ERGIC1: variants seen among roughly 807,000 people sequenced by gnomAD.
ERGIC1 encodes the protein endoplasmic reticulum-Golgi intermediate compartment protein 1.
Under a neutral mutation model 38.3 loss-of-function variants are expected in ERGIC1, and 19 were observed. That is an observed-to-expected ratio of 0.50 (90% CI 0.35 to 0.73). ERGIC1 has a LOEUF of 0.73. Among genes scored for constraint, ERGIC1 ranks in the 30% least tolerant of loss-of-function variants. The pLI is 0.01. For missense variants in ERGIC1, 294 were observed against 389.2 expected, an observed-to-expected ratio of 0.76 and a Z score of 2.06; for synonymous variants, 124 against 157.6, an observed-to-expected ratio of 0.79 and a Z score of 1.60.
chr5:172,947,488 G>C lies in ERGIC1; in HGVS notation c.766-3221G>C, dbSNP rs564510528. Among the ~76,000 whole-genome samples, 5 of 152,260 alleles carry C rather than the reference G, an allele frequency of 3.3e-5. No homozygotes were observed. The South Asian group carries it at 1.0e-3, about 32-fold the overall frequency. The stretch of plus-strand genomic sequence containing the variant: ...TGCCCAGCTGAGTTATCTCAGCTTT[G>C]AGGAAACCCCCCTGGAATGTGTGAG... On this transcript the variant is annotated intron_variant, in intron 9 of 9. Transcript: ENST00000393784.
chr5:172,922,296 C>A (rs963528031), intron 5 of ERGIC1: 2 of 152,394 alleles, frequency 1.3e-5, no homozygotes, highest in Admixed American at 1.3e-4. Flanking sequence ...ATGACAAAGT[C>A]AAAGGATTCA....
At position 172,926,578 on chromosome 5, in the gene ERGIC1, C is replaced by A. The variant is rs1372335909; in HGVS notation, c.541+9C>A. ...CAGACTCACCTCCAACCGTATGTAT[C>A]CCTGCTGGGAACAGCCTTCTGCTCC... is the stretch of plus-strand genomic sequence containing the variant. On this transcript the variant is annotated intron_variant, in intron 7 of 9. Transcript: ENST00000393784. This position sits in a 1 kb window ranked among gnomAD's most constrained non-coding sequence, Gnocchi z 5.2. 2 of 1,611,644 alleles carry A rather than the reference C, an allele frequency of 1.2e-6. No individual in the cohort carries two copies. The highest frequency in any genetic ancestry group is 2.2e-5 in the East Asian group (1 of 44,864).
At chr5:172,865,051 C>CTTTT (rs55657045) in intron 1 of ERGIC1, among the ~76,000 whole-genome samples, 15 of 93,850 alleles carry the variant, frequency 1.6e-4, no homozygotes, top group East Asian at 3.0e-4. Flanking sequence ...GAAAGAAATT[C>CTTTT]TTTTTTTTTT....
intron 1 of ERGIC1, among the ~76,000 whole-genome samples, chr5:172,874,653 G>A (rs1342690970): frequency 1.3e-5 from 2 of 151,508 alleles, no homozygotes; most frequent in African/African-American, 4.9e-5. Flanking sequence ...CAGAGGCTGG[G>A]CGTGGTGGCT....
At chr5:172,921,933 T>C (rs1449294572) in intron 5 of ERGIC1, among the ~76,000 whole-genome samples, 1 of 152,226 alleles carries the variant, frequency 6.6e-6, no homozygotes, top group African/African-American at 2.4e-5. Flanking sequence ...GAATACAGCC[T>C]GCACCCTCAA....
intron 1 of ERGIC1, among the ~76,000 whole-genome samples, chr5:172,875,302 A>G (rs1419292820): frequency 6.6e-6 from 1 of 152,078 alleles, no homozygotes; most frequent in Non-Finnish European, 1.5e-5. Context: ...CAGAGTTTTT[A>G]TCTCTGCTCT....
At chr5:172,868,165 C>T (rs1446098945) in intron 1 of ERGIC1, among the ~76,000 whole-genome samples, 3 of 152,248 alleles carry the variant, frequency 2.0e-5, no homozygotes, top group East Asian at 1.9e-4. Context: ...GCCTTACATG[C>T]GTTTCTGCAT....
At chr5:172,870,675 G>C (rs902049628) in intron 1 of ERGIC1, among the ~76,000 whole-genome samples, 16 of 152,246 alleles carry the variant, frequency 1.1e-4, no homozygotes, top group African/African-American at 3.9e-4. Context: ...AACTGTTGAA[G>C]AAAGCACAAG....
At position 172,926,683 on chromosome 5, in the gene ERGIC1, A is replaced by G; in HGVS notation, c.541+114A>G. 8.4e-7 allele frequency: 1 copy of G among 1,186,728 alleles called. No individual in the cohort carries two copies. Among genetic ancestry groups the G allele is most frequent in the Non-Finnish European group, 1.2e-6 (1 of 816,388 alleles). The allele number at this position is 1,186,728 out of a possible 1,614,324, so 73.5% of individuals were successfully genotyped here. ...GTCCAGCACCCACTCCAAGGCAGGGAGGCTGCTGCTCACACTCCATTCCCA... is the reference window on the plus strand; with the variant it reads ...GTCCAGCACCCACTCCAAGGCAGGGGGGCTGCTGCTCACACTCCATTCCCA... On this transcript the variant is annotated intron_variant, in intron 7 of 9. Transcript: ENST00000393784. The surrounding 1 kb of genome is among the most constrained non-coding windows in gnomAD (Gnocchi z 5.2).
At chr5:172,914,575 C>G in intron 4 of ERGIC1, 139 bp from the exon 5 acceptor site, 4 of 1,407,400 alleles carry the variant, frequency 2.8e-6, no homozygotes, top group South Asian at 2.4e-5. Flanking sequence ...TCTTTGGACC[C>G]CAGACCATGA....
At chr5:172,890,727 A>T (rs1762538128) in intron 2 of ERGIC1, among the ~76,000 whole-genome samples, 1 of 152,086 alleles carries the variant, frequency 6.6e-6, no homozygotes, top group Non-Finnish European at 1.5e-5. Flanking sequence ...GCCTCCTTGC[A>T]CCCCACAAGC....
At chr5:172,867,462 C>A (rs1470769981) in intron 1 of ERGIC1, 3 of 406,804 alleles carry the variant, frequency 7.4e-6, no homozygotes, top group Non-Finnish European at 1.5e-5. Flanking sequence ...GCCGCAAGAA[C>A]AACTGCTGGC....
At chr5:172,863,676 A>G (rs1248470074) in intron 1 of ERGIC1, among the ~76,000 whole-genome samples, 1 of 151,426 alleles carries the variant, frequency 6.6e-6, no homozygotes, top group East Asian at 1.9e-4. Flanking sequence ...TTTAAAAAAA[A>G]AGAAAGAAAA....
Position 172,949,442 on chromosome 5 carries a change from G to A in ERGIC1, c.766-1267G>A, listed in dbSNP as rs961573009. On this transcript the variant is annotated intron_variant, in intron 9 of 9. Coordinates refer to ENST00000393784, the MANE Select transcript of ERGIC1 (RefSeq NM_001031711.3). ...GATTCACTGGGGTGGTAGGCATGGA[G>A]CACTGTAACCCACCTGGCCCAGGGA... is the stretch of plus-strand genomic sequence containing the variant. 1.5e-4 allele frequency among the ~76,000 whole-genome samples: 23 copies of A among 152,294 alleles called. 1 individual carries two copies. The highest frequency in any genetic ancestry group is 4.3e-4 in the African/African-American group (18 of 41,568).
At chr5:172,868,415 C>G (rs571172876) in intron 1 of ERGIC1, among the ~76,000 whole-genome samples, 1 of 152,130 alleles carries the variant, frequency 6.6e-6, no homozygotes, top group Non-Finnish European at 1.5e-5. Context: ...CATGGAGGAA[C>G]CTTACATGCC....
rs572778337 is a variant in ERGIC1 at position 172,909,535 on chromosome 5, G to T, written c.156-132G>T. On this transcript the variant is annotated intron_variant, in intron 3 of 9. Transcript: ENST00000393784. ...ACCCGTGCCTGAGGGCACAGGAGGT[G>T]CAGGCTCTGCCCAGGTGGAGTCTGG... The T allele has an allele frequency of 1.3e-4, 98 of 766,354 alleles. No homozygotes were observed. In the East Asian group the frequency reaches 2.2e-3, roughly 17 times the overall value. 47.5% of individuals were successfully genotyped at this position (766,354 alleles called of 1,614,324 possible).
chr5:172,941,043 C>G (rs1401482298), intron 9 of ERGIC1, among the ~76,000 whole-genome samples: 1 of 152,172 alleles, frequency 6.6e-6, no homozygotes, highest in Non-Finnish European at 1.5e-5. Context: ...CTTTGGGAGG[C>G]CAAGGTGGGC....
At chr5:172,848,457 C>T (rs187951994) in intron 1 of ERGIC1, among the ~76,000 whole-genome samples, 1 of 152,356 alleles carries the variant, frequency 6.6e-6, no homozygotes, top group East Asian at 1.9e-4. Flanking sequence ...ACTGCCTCTT[C>T]AACCTAACTT....
In ERGIC1 at chr5:172,848,040, G is replaced by A. The variant is rs1035558123; in HGVS notation, c.20+13607G>A. On this transcript the variant is annotated intron_variant, in intron 1 of 9. Transcript: ENST00000393784. ...AGATATTAGCAAGTGCTAGAGAGAG[G>A]AGATGTTGAAGACATAGTAGTGCCA... is the stretch of plus-strand genomic sequence containing the variant. 2.6e-5 allele frequency among the ~76,000 whole-genome samples: 4 copies of A among 152,348 alleles called. No individual in the cohort carries two copies. In the East Asian group the frequency reaches 7.7e-4, roughly 29 times the overall value.
Sources: gnomAD v4.1 joint callset for allele counts (sites outside exome capture counted in the v4.1 genomes callset) on GRCh38, gnomAD v4.1.1 for gene constraint, Gnocchi (gnomAD v3.1) non-coding constraint, MANE v1.5 for transcripts, NCBI Gene and HGNC (gene_info 2026-07-23, HGNC 2026-07-21) for gene names.